GSE1: variants seen among roughly 807,000 people sequenced by gnomAD.
GSE1 encodes the protein Gse1 coiled-coil protein.
A neutral mutation model predicts 112.6 loss-of-function variants in GSE1; 32 were observed. That is an observed-to-expected ratio of 0.28 (90% confidence interval 0.21 to 0.38). The LOEUF is 0.38. GSE1 is among the 10% of genes least tolerant of loss of function. The pLI is 1.00. For missense variants in GSE1, 2,348 were observed against 1,699.2 expected (o/e 1.38, Z -6.71); for synonymous variants, 1,115 against 735.6 (o/e 1.52, Z -8.35).
chr16:85,646,888 A>T (rs1326917315), intron 2 of GSE1, among the ~76,000 whole-genome samples: 1 of 114,620 alleles, frequency 8.7e-6, no homozygotes, highest in Non-Finnish European at 2.1e-5. Context: ...TGATCCCCAC[A>T]ACAAGGGGGG....
intron 1 of GSE1, among the ~76,000 whole-genome samples, chr16:85,222,837 A>G (rs556481774): frequency 1.3e-5 from 2 of 152,244 alleles, no homozygotes; most frequent in African/African-American, 4.8e-5. Context: ...CTGCAGCAGA[A>G]GTTTGGATCC....
chr16:85,433,372 T>C (rs2049166690), intron 2 of GSE1, among the ~76,000 whole-genome samples: 1 of 152,148 alleles, frequency 6.6e-6, no homozygotes. Context: ...ACTTCAATCC[T>C]TTACTTTCCC....
chr16:85,183,709 A>G (rs192244225), intron 1 of GSE1, among the ~76,000 whole-genome samples: 84 of 152,322 alleles, frequency 5.5e-4, no homozygotes, highest in Non-Finnish European at 3.4e-4. Context: ...TGGCTCACCT[A>G]CGTGGATGCC....
intron 1 of GSE1, among the ~76,000 whole-genome samples, chr16:85,176,915 A>C (rs1478573961): frequency 6.6e-6 from 1 of 152,130 alleles, no homozygotes; most frequent in Non-Finnish European, 1.5e-5. Flanking sequence ...CCTCCTCCCC[A>C]GGCCCAGGCT....
At chr16:85,611,327 C>G (rs1291937177), upstream of GSE1, 1 of 179,988 alleles carries the variant, frequency 5.6e-6, no homozygotes, top group Non-Finnish European at 1.1e-5. Context: ...TCCCCCTCCC[C>G]CTCCCAGCCC....
chr16:85,512,440 C>T (rs965621417), intron 2 of GSE1, among the ~76,000 whole-genome samples: 1 of 152,200 alleles, frequency 6.6e-6, no homozygotes, highest in African/African-American at 2.4e-5. Flanking sequence ...CTGTGCTACT[C>T]CCCAAATCCT....
chr16:85,540,578 C>T (rs1346470929), intron 2 of GSE1, among the ~76,000 whole-genome samples: 16 of 152,220 alleles, frequency 1.1e-4, no homozygotes, highest in Admixed American at 1.0e-3. Flanking sequence ...TTTCCTATTT[C>T]CATTCCTTTT....
At chr16:85,555,081 A>T (rs923096199), upstream of GSE1, 1 of 985,200 alleles carries the variant, frequency 1.0e-6, no homozygotes, top group Admixed American at 6.1e-5. Flanking sequence ...AGCTGTTGGA[A>T]GATGCCGCGT....
At chr16:85,518,298 C>T (rs2052021694) in intron 2 of GSE1, among the ~76,000 whole-genome samples, 1 of 152,122 alleles carries the variant, frequency 6.6e-6, no homozygotes, top group African/African-American at 2.4e-5. Context: ...GATGAGTGTG[C>T]CCACCATGGA....
At chr16:85,236,196 G>C (rs1003443716) in intron 1 of GSE1, among the ~76,000 whole-genome samples, 2 of 152,226 alleles carry the variant, frequency 1.3e-5, no homozygotes, top group Admixed American at 6.5e-5. Context: ...CCGGCTCTTG[G>C]GGCCCCCATA....
Position 85,668,208 on chromosome 16 carries a change from G to C in GSE1, c.3199G>C (p.Glu1067Gln). Residue 1067 changes from glutamate (E) to glutamine (Q), a missense_variant, in exon 14 of 16, where the codon GAG becomes CAG. By Grantham distance (29) the Glu-to-Gln change is conservative. Transcript: ENST00000253458. Reference protein sequence around the residue: ...VDTSVHYNIPELQSSSRAPPP... With the variant: ...VDTSVHYNIPQLQSSSRAPPP... ...CACGTCCGTCCACTACAACATTCCT[G>C]AGCTGCAGTCCTCCAGCCGCGCCCC... is the stretch of plus-strand genomic sequence containing the variant. 4.3e-6 allele frequency: 7 copies of C among 1,610,834 alleles called. No individual in the cohort carries two copies. Among genetic ancestry groups the C allele is most frequent in the Non-Finnish European group, 5.9e-6 (7 of 1,177,204 alleles).
At chr16:85,500,989 G>A (rs1017092907) in intron 2 of GSE1, among the ~76,000 whole-genome samples, 6 of 140,338 alleles carry the variant, frequency 4.3e-5, no homozygotes, top group African/African-American at 1.7e-4. Flanking sequence ...CTCCAGTATG[G>A]CCTGTTCTGT....
chr16:85,320,423 C>T (rs1390782630), intron 1 of GSE1, among the ~76,000 whole-genome samples: 6 of 151,274 alleles, frequency 4.0e-5, no homozygotes, highest in African/African-American at 1.2e-4. Context: ...CAGACAGGGC[C>T]GCCACCATAC....
intron 1 of GSE1, chr16:85,556,449 C>T (rs2151263262): frequency 1.8e-6 from 1 of 550,898 alleles, no homozygotes; most frequent in South Asian, 7.9e-5. Flanking sequence ...CCGCCAGACC[C>T]CCGAGCCAGG....
chr16:85,472,468 C>G (rs61675078), intron 2 of GSE1, among the ~76,000 whole-genome samples: 1 of 152,186 alleles, frequency 6.6e-6, no homozygotes, highest in Non-Finnish European at 1.5e-5. Flanking sequence ...AAATTTCCTT[C>G]TCAGAAGGAC....
intron 2 of GSE1, among the ~76,000 whole-genome samples, chr16:85,434,307 C>CTAATAA (rs59877761): frequency 0.081 from 11,519 of 142,134 alleles, 599 homozygotes; most frequent in East Asian, 0.16. Context: ...GGATGGTGGT[C>CTAATAA]TAATAATAAT....
intron 2 of GSE1, among the ~76,000 whole-genome samples, chr16:85,534,835 G>A (rs1567567829): frequency 2.0e-5 from 3 of 152,318 alleles, no homozygotes; most frequent in East Asian, 3.9e-4. Flanking sequence ...TTGATAGCCT[G>A]TTCCTTCTGC....
At chr16:85,651,892 G>T (rs2151898252) in intron 3 of GSE1, among the ~76,000 whole-genome samples, 1 of 152,328 alleles carries the variant, frequency 6.6e-6, no homozygotes. Context: ...ATGCTGGGGG[G>T]CCAGGGGCCA....
intron 1 of GSE1, among the ~76,000 whole-genome samples, chr16:85,260,612 C>T (rs1407222100): frequency 4.6e-5 from 7 of 152,140 alleles, no homozygotes; most frequent in African/African-American, 1.2e-4. Context: ...CATGAGCCAC[C>T]GCACCCAGCC....
Sources: gnomAD v4.1 joint callset for allele counts (sites outside exome capture counted in the v4.1 genomes callset) on GRCh38, gnomAD v4.1.1 for gene constraint, MANE v1.5 for transcripts, NCBI Gene and HGNC (gene_info 2026-07-23, HGNC 2026-07-21) for gene names.